RIMBP2: variants seen among roughly 807,000 people sequenced by gnomAD.
RIMBP2 encodes the protein RIMS-binding protein 2.
Under a neutral mutation model 118.6 loss-of-function variants are expected in RIMBP2, and 48 were observed. The observed-to-expected ratio is 0.40, with a 90% CI of 0.32 to 0.51. The LOEUF is 0.51. Ranked by LOEUF, RIMBP2 falls within the 20% of genes least tolerant of loss-of-function variation. RIMBP2 has a pLI of 0.41. For synonymous variants in RIMBP2, 762 were observed against 742.9 expected, an observed-to-expected ratio of 1.03 and a Z score of -0.42; for missense variants, 1,551 against 1,768.3, an observed-to-expected ratio of 0.88 and a Z score of 2.20.
chr12:130,701,571 T>C (rs960474027), intron 1 of RIMBP2, among the ~76,000 whole-genome samples: 1 of 152,022 alleles, frequency 6.6e-6, no homozygotes, highest in Non-Finnish European at 1.5e-5. Context: ...GGGTGAAAAG[T>C]ACCTTGCTGG....
chr12:130,546,740 A>T (rs1429368624), intron 2 of RIMBP2, among the ~76,000 whole-genome samples: 1 of 152,204 alleles, frequency 6.6e-6, no homozygotes, highest in Admixed American at 6.5e-5. Flanking sequence ...CTGCGCGTGG[A>T]TGTGTTAGTC....
At position 130,414,006 on chromosome 12, in the gene RIMBP2, G is replaced by A. The variant is rs553230200; in HGVS notation, c.3420+119C>T. The stretch of plus-strand genomic sequence containing the variant: ...ACCATGCCACCTCCTCCCGTGCCTC[G>A]CCCATGGCCTGCAGGAGAAGGCCAT... On this transcript the variant is annotated intron_variant, in intron 18 of 22. Coordinates refer to ENST00000690449, the MANE Select transcript of RIMBP2 (RefSeq NM_001393629.1). 2.4e-4 allele frequency: 256 copies of A among 1,086,886 alleles called. 1 individual carries two copies. The highest frequency in any genetic ancestry group is 3.1e-4 in the Non-Finnish European group (228 of 734,426). 67.3% of individuals were successfully genotyped at this position (1,086,886 alleles called of 1,614,324 possible).
At chr12:130,609,795 C>G (rs1168194189) in intron 2 of RIMBP2, among the ~76,000 whole-genome samples, 2 of 152,092 alleles carry the variant, frequency 1.3e-5, no homozygotes, top group Non-Finnish European at 2.9e-5. Context: ...TGGAGGGGGA[C>G]TGGTTGAGGC....
intron 1 of RIMBP2, among the ~76,000 whole-genome samples, chr12:130,708,166 C>T (rs1489198586): frequency 1.3e-5 from 2 of 152,096 alleles, no homozygotes; most frequent in South Asian, 2.1e-4. Flanking sequence ...ATTCTGTTCA[C>T]GTAAGATGTC....
intron 20 of RIMBP2, 44 bp from the exon 21 acceptor site, chr12:130,406,287 CAGT>C: frequency 7.6e-7 from 1 of 1,323,312 alleles, no homozygotes; most frequent in Non-Finnish European, 1.1e-6. Context: ...TTCTACACAA[CAGT>C]AGTAGTTTTT....
intron 4 of RIMBP2, among the ~76,000 whole-genome samples, chr12:130,497,677 T>C (rs956471103): frequency 5.3e-5 from 8 of 152,216 alleles, no homozygotes; most frequent in Admixed American, 4.6e-4. Flanking sequence ...CTTTTTTTGT[T>C]TTGTTTTTTT....
At chr12:130,462,047 G>A (rs1374401877) in intron 6 of RIMBP2, among the ~76,000 whole-genome samples, 5 of 152,224 alleles carry the variant, frequency 3.3e-5, no homozygotes, top group Non-Finnish European at 4.4e-5. Context: ...GATGGCTGCA[G>A]GCTGTGGCTG....
chr12:130,535,389 T>C (rs1318994106), intron 2 of RIMBP2, among the ~76,000 whole-genome samples: 1 of 151,834 alleles, frequency 6.6e-6, no homozygotes, highest in Non-Finnish European at 1.5e-5. Context: ...GTGGCACACA[T>C]CTGCAGTCCC....
intron 6 of RIMBP2, among the ~76,000 whole-genome samples, chr12:130,467,272 A>G (rs1331738195): frequency 2.0e-5 from 3 of 152,258 alleles, no homozygotes; most frequent in African/African-American, 7.2e-5. Flanking sequence ...CCATGCAGCT[A>G]GAGGCTGAAA....
chr12:130,462,475 G>A (rs1320998882), intron 6 of RIMBP2, among the ~76,000 whole-genome samples: 2 of 152,160 alleles, frequency 1.3e-5, no homozygotes, highest in African/African-American at 2.4e-5. Flanking sequence ...ATAAGCATAA[G>A]GGATGGGAGA....
chr12:130,571,710 T>TC (rs1272281683), intron 2 of RIMBP2, among the ~76,000 whole-genome samples: 3 of 152,088 alleles, frequency 2.0e-5, no homozygotes, highest in Non-Finnish European at 2.9e-5. Flanking sequence ...TCCTGTGCCG[T>TC]CCCACCCCAC....
rs2061462031 is a variant in RIMBP2, at chr12:130,623,768, C to A, written c.-217+4554G>T. ...CAAGACATGCTGGAGCCTCCATGCACCTGCAAGACCGCCTCAGCCAAGTGA... is the reference window on the plus strand; with the variant it reads ...CAAGACATGCTGGAGCCTCCATGCAACTGCAAGACCGCCTCAGCCAAGTGA... On this transcript the variant is annotated intron_variant, in intron 2 of 22. Transcript: ENST00000690449. The surrounding 1 kb of genome is among the most constrained non-coding windows in gnomAD (Gnocchi z 4.1). Among the ~76,000 whole-genome samples, 1 of 152,206 alleles carries A rather than the reference C, an allele frequency of 6.6e-6. No homozygotes were observed. Among genetic ancestry groups the A allele is most frequent in the Non-Finnish European group, 1.5e-5 (1 of 68,040 alleles).
intron 2 of RIMBP2, among the ~76,000 whole-genome samples, chr12:130,599,129 A>G (rs1298757738): frequency 1.3e-5 from 2 of 152,266 alleles, no homozygotes; most frequent in African/African-American, 2.4e-5. Context: ...CCTTCACATC[A>G]TATGCAATAA....
At chr12:130,655,354 C>T (rs187250154) in intron 1 of RIMBP2, among the ~76,000 whole-genome samples, 91 of 152,314 alleles carry the variant, frequency 6.0e-4, no homozygotes, top group African/African-American at 2.1e-3. Context: ...TCTGTAAGGA[C>T]CTTATTTATC....
chr12:130,546,787 T>A (rs1379420640), intron 2 of RIMBP2, among the ~76,000 whole-genome samples: 1 of 152,216 alleles, frequency 6.6e-6, no homozygotes, highest in Non-Finnish European at 1.5e-5. Context: ...CATTTGTTTT[T>A]TAATTTGTTA....
At chr12:130,476,281 C>A (rs974430489) in intron 5 of RIMBP2, among the ~76,000 whole-genome samples, 4 of 152,214 alleles carry the variant, frequency 2.6e-5, no homozygotes, top group African/African-American at 9.6e-5. Flanking sequence ...ACGGCAAGTT[C>A]AAGAAAGAGC....
intron 2 of RIMBP2, among the ~76,000 whole-genome samples, chr12:130,592,346 C>G (rs1248336993): frequency 1.3e-5 from 2 of 152,180 alleles, no homozygotes; most frequent in African/African-American, 4.8e-5. Flanking sequence ...GGTCTCTTTT[C>G]TGTTTTGACA....
chr12:130,592,292 A>T (rs2140327722), intron 2 of RIMBP2, among the ~76,000 whole-genome samples: 1 of 152,328 alleles, frequency 6.6e-6, no homozygotes, highest in South Asian at 2.1e-4. Context: ...CCTAAGTCCC[A>T]GTGCCAGGGA....
At chr12:130,519,638 G>A (rs1336188537) in intron 2 of RIMBP2, among the ~76,000 whole-genome samples, 1 of 152,190 alleles carries the variant, frequency 6.6e-6, no homozygotes, top group Non-Finnish European at 1.5e-5. Context: ...TGGGATGGGT[G>A]TACTAATCAA....
Sources: gnomAD v4.1 joint callset for allele counts (sites outside exome capture counted in the v4.1 genomes callset) on GRCh38, gnomAD v4.1.1 for gene constraint, Gnocchi (gnomAD v3.1) non-coding constraint, MANE v1.5 for transcripts, NCBI Gene and HGNC (gene_info 2026-07-23, HGNC 2026-07-21) for gene names.